Variants in SEC22C observed in about 807,000 individuals in gnomAD.
SEC22C encodes the protein vesicle-trafficking protein SEC22c.
Under a neutral mutation model 34.7 loss-of-function variants are expected in SEC22C, and 29 were observed. The ratio of observed to expected loss-of-function variants is 0.84; its 90% CI spans 0.62 to 1.14. The LOEUF is 1.14. Ranked by LOEUF, SEC22C falls within the 50% of genes most tolerant of loss-of-function variation. SEC22C has a pLI of 0.00. For missense variants in SEC22C, 337 were observed against 369.0 expected (o/e 0.91, Z 0.71); for synonymous variants, 117 against 132.8 (o/e 0.88, Z 0.82).
chr3:42,569,478 T>C (rs1319949025), intron 1 of SEC22C, among the ~76,000 whole-genome samples: 3 of 152,070 alleles, frequency 2.0e-5, no homozygotes, highest in Non-Finnish European at 4.4e-5. Flanking sequence ...GCAGCGAGGA[T>C]TGATGTCAGT....
At chr3:42,594,294 G>A (rs1363908343) in intron 1 of SEC22C, 1 of 676,662 alleles carries the variant, frequency 1.5e-6, no homozygotes, top group Non-Finnish European at 2.6e-6. Context: ...AAACAAGAAG[G>A]TTGATAACAC....
intron 6 of SEC22C, among the ~76,000 whole-genome samples, chr3:42,554,034 T>TA (rs930146758): frequency 7.3e-5 from 11 of 151,590 alleles, no homozygotes; most frequent in African/African-American, 2.7e-4. Context: ...CTATCACACA[T>TA]AAAAGGGGCC....
intron 1 of SEC22C, among the ~76,000 whole-genome samples, chr3:42,593,860 A>G (rs969730559): frequency 6.6e-6 from 1 of 152,210 alleles, no homozygotes; most frequent in African/African-American, 2.4e-5. Context: ...TAGTGAGATA[A>G]GTAAGACAGA....
Position 42,549,470 on chromosome 3 carries a change from C to A in SEC22C, c.*3778G>T. ...AGAGAGAGAACCCCCAGCTCTGCTC[C>A]CTACCTATGCCCTGCTTCCTGTGCC... On this transcript the variant is annotated 3_prime_UTR_variant, in exon 7 of 7. Coordinates refer to ENST00000264454, the MANE Select transcript of SEC22C (RefSeq NM_032970.4). 1.0e-6 allele frequency: 1 copy of A among 985,982 alleles called. No individual in the cohort carries two copies. 61.1% of individuals were successfully genotyped at this position (985,982 alleles called of 1,614,324 possible). A position where few individuals can be genotyped will look rare whatever the true frequency, so the allele number is the denominator to read the frequency against.
At position 42,557,687 on chromosome 3, in the gene SEC22C, A is replaced by G; in HGVS notation, c.536T>C (p.Phe179Ser). The change falls in exon 5 of 7, where the codon TTC becomes TCC. Residue 179 changes from phenylalanine to serine, a missense_variant. Physicochemically the swap from Phe to Ser is radical, Grantham distance 155. Transcript: ENST00000264454. ...TPMHLEPAPN[F>S]RMEPVTALGI... ...CAGGGCTGTCACTGGTTCCATTCGG[A>G]AATTAGGAGCTTCACAATGGAAAAA... The G allele has an allele frequency of 6.4e-7, 1 of 1,567,734 alleles. No individual in the cohort carries two copies. The highest frequency in any genetic ancestry group is 1.4e-5 in the African/African-American group (1 of 73,826).
intron 1 of SEC22C, among the ~76,000 whole-genome samples, chr3:42,596,396 T>G (rs1705031059): frequency 6.6e-6 from 1 of 152,190 alleles, no homozygotes; most frequent in African/African-American, 2.4e-5. Context: ...CAGAGTCCTA[T>G]CCCCTGAAGT....
chr3:42,580,428 C>G (rs544175335), intron 1 of SEC22C: 1 of 152,224 alleles, frequency 6.6e-6, no homozygotes, highest in East Asian at 1.9e-4. Context: ...GTTGTGCCAC[C>G]CTTACTGAAT....
chr3:42,559,299 C>A (rs1702734618), intron 4 of SEC22C, among the ~76,000 whole-genome samples: 2 of 152,146 alleles, frequency 1.3e-5, no homozygotes, highest in Non-Finnish European at 2.9e-5. Context: ...AAGATTCTAG[C>A]CTCAGGACAA....
chr3:42,592,061 CAA>C (rs1704870799), intron 1 of SEC22C, among the ~76,000 whole-genome samples: 1 of 152,098 alleles, frequency 6.6e-6, no homozygotes, highest in Non-Finnish European at 1.5e-5. Flanking sequence ...CAAAGACAAA[CAA>C]AGGATTTACA....
intron 2 of SEC22C, among the ~76,000 whole-genome samples, chr3:42,566,171 T>C (rs1031715600): frequency 6.6e-6 from 1 of 152,138 alleles, no homozygotes; most frequent in South Asian, 2.1e-4. Flanking sequence ...TGTGGGCAGG[T>C]GCAACTCAGT....
rs1304515724 is a variant in SEC22C, at chr3:42,581,936, G to C, written c.-118C>G. The C allele has an allele frequency of 6.6e-6, 1 of 152,348 alleles. No homozygotes were observed. Among genetic ancestry groups the C allele is most frequent in the African/African-American group, 2.4e-5 (1 of 41,458 alleles). 9.4% of individuals were successfully genotyped at this position (152,348 alleles called of 1,614,324 possible). On this transcript the variant is annotated 5_prime_UTR_variant, in exon 1 of 7. Coordinates refer to ENST00000264454, the MANE Select transcript of SEC22C (RefSeq NM_032970.4). ...TAGCCGACCGGGAGGGCTCGGCCCA[G>C]GTCACCGGCAGCCCAGGCGCAGGTA...
rs959310980 is a variant in SEC22C at position 42,549,952 on chromosome 3, G to A, written c.*3296C>T. The stretch of plus-strand genomic sequence containing the variant: ...CAGTGGGGCCTCTGGTACTGAGAGG[G>A]AATGCCACCCGAATATGCCCCAGCT... On this transcript the variant is annotated 3_prime_UTR_variant, in exon 7 of 7. Transcript: ENST00000264454. The A allele has an allele frequency of 2.0e-6, 2 of 985,472 alleles. No homozygotes were observed. The highest frequency in any genetic ancestry group is 5.2e-4 in the Middle Eastern group (1 of 1,914). 61.0% of individuals were successfully genotyped at this position (985,472 alleles called of 1,614,324 possible). A position where few individuals can be genotyped will look rare whatever the true frequency, so the allele number is the denominator to read the frequency against.
In SEC22C at chr3:42,548,547, GAA is replaced by G; in HGVS notation, c.*4699_*4700del. 1 of 1,575,128 alleles carries G rather than the reference GAA, an allele frequency of 6.3e-7. No homozygotes were observed. The highest frequency in any genetic ancestry group is 2.2e-5 in the East Asian group (1 of 44,634). On this transcript the variant is annotated 3_prime_UTR_variant, in exon 7 of 7. Coordinates refer to ENST00000264454, the MANE Select transcript of SEC22C (RefSeq NM_032970.4). ...TGCTGATGAGATTTCCCCAGCAGCAGAAGTTTGACATCACTGCTCCCGGATGG... is the reference window on the plus strand; with the variant it reads ...TGCTGATGAGATTTCCCCAGCAGCAGGTTTGACATCACTGCTCCCGGATGG...
rs1481452009 is a variant in SEC22C, at chr3:42,548,889, C to T, written c.*4359G>A. The T allele has an allele frequency of 7.3e-7, 1 of 1,365,682 alleles. No individual in the cohort carries two copies. Among genetic ancestry groups the T allele is most frequent in the Non-Finnish European group, 9.4e-7 (1 of 1,058,566 alleles). The allele number at this position is 1,365,682 out of a possible 1,614,324, so 84.6% of individuals were successfully genotyped here. Reference sequence around the variant, plus strand: ...TGAATGTAAAGCCTTTCTCCTCCCACACACAATGGACTCACCCAGTATTAC... The same window carrying T: ...TGAATGTAAAGCCTTTCTCCTCCCATACACAATGGACTCACCCAGTATTAC... On this transcript the variant is annotated 3_prime_UTR_variant, in exon 7 of 7. Coordinates refer to ENST00000264454, the MANE Select transcript of SEC22C (RefSeq NM_032970.4).
Position 42,571,321 on chromosome 3 carries a change from C to T in SEC22C, c.-27-2248G>A, listed in dbSNP as rs1008004792. 2.0e-5 allele frequency among the ~76,000 whole-genome samples: 3 copies of T among 151,638 alleles called. No individual in the cohort carries two copies. In the South Asian group the frequency reaches 6.4e-4, roughly 32 times the overall value. On this transcript the variant is annotated intron_variant, in intron 1 of 6. Transcript: ENST00000264454. Reference sequence around the variant, plus strand: ...TATTAGTATTCAAGATAAATAAATACCCCTCTTGTTTTTCAGTTCTATCAA... The same window carrying T: ...TATTAGTATTCAAGATAAATAAATATCCCTCTTGTTTTTCAGTTCTATCAA...
Position 42,557,450 on chromosome 3 carries a change from A to G in SEC22C, c.645+128T>C, listed in dbSNP as rs1702593516. On this transcript the variant is annotated intron_variant, in intron 5 of 6. Transcript: ENST00000264454. ...TCACTTACTACAAAGAATAAAATTT[A>G]TAATAAAATTCATATTAGTTTTGAA... The G allele has an allele frequency of 1.3e-5, 6 of 463,008 alleles. No individual in the cohort carries two copies. The South Asian group carries it at 3.1e-4, about 24-fold the overall frequency. The allele number at this position is 463,008 out of a possible 1,614,324, so 28.7% of individuals were successfully genotyped here.
Position 42,592,357 on chromosome 3 carries a change from G to A in SEC22C, c.-28+8603C>T, listed in dbSNP as rs1287423767. On this transcript the variant is annotated intron_variant, in intron 1 of 6. Transcript: ENST00000417572. ...TGGGACTACAGGCGTGTGCCACCAC[G>A]CCCTGCTAATTTTTATATTTGTAGT... Among the ~76,000 whole-genome samples the A allele has an allele frequency of 5.3e-5, 8 of 151,914 alleles. No homozygotes were observed. The South Asian group carries it at 1.0e-3, about 20-fold the overall frequency.
At chr3:42,585,871 C>T (rs752630469), upstream of SEC22C, among the ~76,000 whole-genome samples, 4 of 152,106 alleles carry the variant, frequency 2.6e-5, no homozygotes, top group Non-Finnish European at 4.4e-5. Context: ...CAAGGCAGCT[C>T]TCTCTCCAGC....
intron 1 of SEC22C, among the ~76,000 whole-genome samples, chr3:42,598,251 G>T (rs1705090962): frequency 6.6e-6 from 1 of 151,666 alleles, no homozygotes; most frequent in African/African-American, 2.4e-5. Context: ...CCTCAAAAAA[G>T]GAAATTCTGA....
Sources: allele counts gnomAD v4.1 joint callset (sites outside exome capture counted in the v4.1 genomes callset), GRCh38; gene constraint gnomAD v4.1.1; transcripts MANE v1.5; gene names NCBI Gene and HGNC (gene_info 2026-07-23, HGNC 2026-07-21).